Variants in LAMA2 observed in about 807,000 individuals in gnomAD.
LAMA2 encodes laminin subunit alpha-2.
LAMA2 carries 269 observed loss-of-function variants against 364.8 expected under a neutral mutation model. The ratio of observed to expected loss-of-function variants is 0.74; its 90% CI spans 0.67 to 0.82. The LOEUF (loss-of-function observed/expected upper bound fraction) is 0.82, where lower values mean the gene tolerates loss of function less well. Among genes scored for constraint, LAMA2 ranks in the 40% least tolerant of loss-of-function variants. The pLI is 0.00. For missense variants in LAMA2, 3,807 were observed against 3,873.2 expected (o/e 0.98, Z 0.45); for synonymous variants, 1,379 against 1,370.6 (o/e 1.01, Z -0.14).
At chr6:129,062,104 C>T (rs2114799894) in intron 3 of LAMA2, among the ~76,000 whole-genome samples, 1 of 152,318 alleles carries the variant, frequency 6.6e-6, no homozygotes, top group African/African-American at 2.4e-5. Context: ...AATTTGGCCT[C>T]AGGCTTTGGA....
intron 1 of LAMA2, among the ~76,000 whole-genome samples, chr6:128,978,263 C>T (rs1051919503): frequency 1.3e-5 from 2 of 152,038 alleles, no homozygotes; most frequent in Admixed American, 6.5e-5. Context: ...GCTGTGTAGG[C>T]CAAGAATCTA....
intron 1 of LAMA2, among the ~76,000 whole-genome samples, chr6:128,888,192 C>A (rs185698570): frequency 7.5e-4 from 114 of 152,080 alleles, no homozygotes; most frequent in Admixed American, 2.5e-3. Context: ...TAGTATATAC[C>A]AAGCAGATAG....
At chr6:129,452,880 A>G in intron 45 of LAMA2, 108 bp from the exon 46 acceptor site, 1 of 964,330 alleles carries the variant, frequency 1.0e-6, no homozygotes, top group East Asian at 2.5e-5. Context: ...TTGATGATAG[A>G]AAATAACTTC....
intron 2 of LAMA2, among the ~76,000 whole-genome samples, chr6:129,056,214 A>G (rs1024246233): frequency 6.6e-6 from 1 of 152,230 alleles, no homozygotes; most frequent in Non-Finnish European, 1.5e-5. Context: ...CTTCAGAAGA[A>G]GTGCCAACAA....
At chr6:129,179,562 A>G (rs997636624) in intron 10 of LAMA2, among the ~76,000 whole-genome samples, 2 of 152,190 alleles carry the variant, frequency 1.3e-5, no homozygotes, top group Non-Finnish European at 2.9e-5. Flanking sequence ...AGCCGAACTC[A>G]ATATTGTACT....
At chr6:129,025,851 A>C (rs2114723755) in intron 1 of LAMA2, among the ~76,000 whole-genome samples, 1 of 152,304 alleles carries the variant, frequency 6.6e-6, no homozygotes, top group South Asian at 2.1e-4. Flanking sequence ...GGTGGAACAA[A>C]GTATATGCTC....
chr6:129,348,362 A>G (rs963416605), intron 30 of LAMA2, among the ~76,000 whole-genome samples: 1 of 152,170 alleles, frequency 6.6e-6, no homozygotes, highest in African/African-American at 2.4e-5. Flanking sequence ...TTCAGCATCA[A>G]CTGATTTAGT....
chr6:129,286,524 T>G (rs1789139437), intron 18 of LAMA2, among the ~76,000 whole-genome samples: 1 of 126,470 alleles, frequency 7.9e-6, no homozygotes, highest in East Asian at 2.1e-4. Context: ...AACAAACTTT[T>G]GTTTTTCCAA....
At chr6:129,420,172 G>A (rs1781006423) in intron 40 of LAMA2, among the ~76,000 whole-genome samples, 1 of 151,922 alleles carries the variant, frequency 6.6e-6, no homozygotes, top group Non-Finnish European at 1.5e-5. Flanking sequence ...TTATATAACT[G>A]TTTCATAACT....
chr6:129,088,919 G>A (rs141303825), intron 3 of LAMA2, among the ~76,000 whole-genome samples: 13,963 of 152,266 alleles, frequency 0.092, 809 homozygotes, highest in Middle Eastern at 0.19. Flanking sequence ...GGTGGCGGCC[G>A]GGCAGAGGCT....
chr6:129,305,923 G>A (rs1773839476), intron 22 of LAMA2, among the ~76,000 whole-genome samples: 1 of 150,580 alleles, frequency 6.6e-6, no homozygotes, highest in Non-Finnish European at 1.5e-5. Context: ...TATTTCTTTG[G>A]TTTTGTCTAG....
intron 1 of LAMA2, among the ~76,000 whole-genome samples, chr6:128,918,271 G>A (rs1476984396): frequency 6.6e-6 from 1 of 151,942 alleles, no homozygotes; most frequent in Non-Finnish European, 1.5e-5. Context: ...TAGTAAAGTA[G>A]GACTTCTGAA....
Position 129,492,458 on chromosome 6 carries a change from C to G in LAMA2, c.8219C>G (p.Pro2740Arg). 1 of 1,614,072 alleles carries G rather than the reference C, an allele frequency of 6.2e-7. No individual in the cohort carries two copies. Among genetic ancestry groups the G allele is most frequent in the African/African-American group, 1.3e-5 (1 of 75,050 alleles). The change falls in exon 58 of 65, where the codon CCT becomes CGT. Residue 2740 changes from proline (P) to arginine (R), a missense_variant. This residue lies in a region of LAMA2 where 3,333 missense variants were observed against 3,345.7 expected (regional missense o/e 1.00). Coordinates refer to ENST00000421865, the MANE Select transcript of LAMA2 (RefSeq NM_000426.4). Reference sequence around the variant, plus strand: ...GAGCCAGTTCCCACCCCAGCCTTTCCTACGCCCACCCCAGTTCTGACACAT... The same window carrying G: ...GAGCCAGTTCCCACCCCAGCCTTTCGTACGCCCACCCCAGTTCTGACACAT... ...QPEPVPTPAF[P>R]TPTPVLTHGP...
At chr6:129,147,203 C>G (rs751146704) in intron 6 of LAMA2, among the ~76,000 whole-genome samples, 155 bp downstream of exon 6, 55 of 150,638 alleles carry the variant, frequency 3.7e-4, no homozygotes, top group Non-Finnish European at 7.1e-4. Context: ...TAAGAGCTGG[C>G]AGTTAGGATG....
chr6:129,263,394 A>G (rs925664531), intron 15 of LAMA2, among the ~76,000 whole-genome samples: 6 of 152,178 alleles, frequency 3.9e-5, no homozygotes, highest in Admixed American at 3.9e-4. Flanking sequence ...AAGTGGTTGT[A>G]TGAAGGTTAG....
At chr6:129,458,798 A>G (rs1308818797) in intron 48 of LAMA2, among the ~76,000 whole-genome samples, 1 of 152,052 alleles carries the variant, frequency 6.6e-6, no homozygotes, top group Admixed American at 6.6e-5. Flanking sequence ...TATACCATCT[A>G]GATTTGTGCA....
intron 1 of LAMA2, among the ~76,000 whole-genome samples, chr6:128,968,183 C>T (rs115829000): frequency 1.2e-3 from 181 of 152,240 alleles, no homozygotes; most frequent in African/African-American, 4.2e-3. Flanking sequence ...TATAAATGAC[C>T]ACAATTAAGC....
intron 1 of LAMA2, among the ~76,000 whole-genome samples, chr6:128,962,386 C>T (rs1781590238): frequency 6.6e-6 from 1 of 151,618 alleles, no homozygotes; most frequent in Non-Finnish European, 1.5e-5. Context: ...ATTCTGAGCC[C>T]TATCTATGCT....
At chr6:129,453,540 T>A (rs1405250956) in intron 46 of LAMA2, among the ~76,000 whole-genome samples, 1 of 152,208 alleles carries the variant, frequency 6.6e-6, no homozygotes, top group Admixed American at 6.5e-5. Flanking sequence ...CTATTTTTTT[T>A]ACCAATGGAA....
Sources: allele counts gnomAD v4.1 joint callset (sites outside exome capture counted in the v4.1 genomes callset), GRCh38; gene constraint gnomAD v4.1.1; regional missense constraint gnomAD v4.1.1; transcripts MANE v1.5; gene names NCBI Gene and HGNC (gene_info 2026-07-23, HGNC 2026-07-21).